Variants in GRIK2 observed in about 807,000 individuals in gnomAD.
GRIK2 encodes the protein glutamate ionotropic receptor kainate type subunit 2.
Under a neutral mutation model 100.3 loss-of-function variants are expected in GRIK2, and 32 were observed. That is an observed-to-expected ratio of 0.32 (90% confidence interval 0.24 to 0.43). The LOEUF (loss-of-function observed/expected upper bound fraction) is 0.43, where lower values mean the gene tolerates loss of function less well. Ranked by LOEUF, GRIK2 falls within the 20% of genes least tolerant of loss-of-function variation. The probability of loss-of-function intolerance (pLI) is 1.00; values close to 1 mark genes in which losing one functional copy is unlikely to be tolerated. For missense variants in GRIK2, 843 were observed against 1,114.9 expected (o/e 0.76, Z 3.47); for synonymous variants, 417 against 389.4 (o/e 1.07, Z -0.83).
intron 14 of GRIK2, among the ~76,000 whole-genome samples, chr6:101,980,891 CTT>C (rs36081447): frequency 4.8e-4 from 60 of 124,732 alleles, no homozygotes; most frequent in Non-Finnish European, 6.6e-4. Context: ...CCATTTTTTC[CTT>C]TTTTTTTTTT....
intron 2 of GRIK2, among the ~76,000 whole-genome samples, chr6:101,559,371 C>T (rs367764150): frequency 1.3e-5 from 2 of 152,072 alleles, no homozygotes; most frequent in African/African-American, 4.8e-5. Context: ...AATCTTGTAA[C>T]AACCTATGTT....
At chr6:101,948,469 ATAGT>A (rs1280195601) in intron 14 of GRIK2, among the ~76,000 whole-genome samples, 6 of 147,550 alleles carry the variant, frequency 4.1e-5, no homozygotes, top group East Asian at 1.9e-4. Flanking sequence ...ACACACATAT[ATAGT>A]TATAGTTATA....
chr6:101,831,620 T>G (rs1457517750), intron 10 of GRIK2, among the ~76,000 whole-genome samples: 2 of 152,186 alleles, frequency 1.3e-5, no homozygotes, highest in Non-Finnish European at 2.9e-5. Flanking sequence ...GTCAGTGGAA[T>G]AATATCAATC....
At chr6:101,607,437 T>C (rs543064737) in intron 2 of GRIK2, among the ~76,000 whole-genome samples, 18 of 152,148 alleles carry the variant, frequency 1.2e-4, no homozygotes, top group African/African-American at 4.3e-4. Flanking sequence ...AAAGTCACTC[T>C]TCTGATCTGT....
chr6:101,475,773 A>G (rs1306820189), intron 2 of GRIK2, among the ~76,000 whole-genome samples: 1 of 152,046 alleles, frequency 6.6e-6, no homozygotes, highest in East Asian at 1.9e-4. Flanking sequence ...CAGAATTTAA[A>G]TCTAAAAAAG....
chr6:102,023,607 G>A (rs1445831249), intron 14 of GRIK2, among the ~76,000 whole-genome samples: 1 of 151,520 alleles, frequency 6.6e-6, no homozygotes, highest in Non-Finnish European at 1.5e-5. Flanking sequence ...AAAGTTTTGA[G>A]TGTCAGGAAA....
At chr6:101,597,188 A>G (rs1722059380) in intron 2 of GRIK2, among the ~76,000 whole-genome samples, 1 of 151,854 alleles carries the variant, frequency 6.6e-6, no homozygotes, top group African/African-American at 2.4e-5. Context: ...AATATTGGGT[A>G]TACATGAACA....
chr6:101,720,170 G>T (rs1204699716), intron 7 of GRIK2, among the ~76,000 whole-genome samples: 1 of 151,584 alleles, frequency 6.6e-6, no homozygotes. Flanking sequence ...TACAAAAAAG[G>T]GTACTGCATT....
At chr6:101,799,510 G>T in intron 7 of GRIK2, 138 bp from the exon 8 acceptor site, 1 of 649,066 alleles carries the variant, frequency 1.5e-6, no homozygotes. Context: ...GCATGTTAGA[G>T]ATAACGTTTT....
intron 2 of GRIK2, among the ~76,000 whole-genome samples, chr6:101,578,759 C>G (rs1009565069): frequency 6.6e-6 from 1 of 152,080 alleles, no homozygotes; most frequent in African/African-American, 2.4e-5. Flanking sequence ...GATGAAGGCT[C>G]ATTTCTAGAT....
At chr6:101,465,196 G>A (rs1320898940) in intron 2 of GRIK2, among the ~76,000 whole-genome samples, 1 of 152,034 alleles carries the variant, frequency 6.6e-6, no homozygotes, top group Admixed American at 6.6e-5. Flanking sequence ...AGTGAAGTCT[G>A]AGCTTTTAGT....
intron 7 of GRIK2, among the ~76,000 whole-genome samples, chr6:101,740,800 C>CT (rs1191835788): frequency 1.3e-5 from 2 of 152,098 alleles, no homozygotes; most frequent in African/African-American, 2.4e-5. Flanking sequence ...GTGCCAGGTT[C>CT]TTTTTAACCT....
chr6:101,587,160 G>T (rs1453500318), intron 2 of GRIK2, among the ~76,000 whole-genome samples: 5 of 151,904 alleles, frequency 3.3e-5, no homozygotes, highest in Non-Finnish European at 5.9e-5. Context: ...AACAGGCAAA[G>T]TTGAAAAAGA....
At chr6:102,022,469 G>A (rs1769479424) in intron 14 of GRIK2, among the ~76,000 whole-genome samples, 1 of 151,710 alleles carries the variant, frequency 6.6e-6, no homozygotes, top group African/African-American at 2.4e-5. Context: ...CCAAATGTGA[G>A]TAAGCCATGA....
At chr6:101,935,994 G>C (rs1193609749) in intron 14 of GRIK2, among the ~76,000 whole-genome samples, 1 of 151,972 alleles carries the variant, frequency 6.6e-6, no homozygotes, top group Non-Finnish European at 1.5e-5. Context: ...AATAGCTATG[G>C]CTGTTTAGGA....
chr6:101,682,214 G>A (rs989626914), intron 5 of GRIK2, among the ~76,000 whole-genome samples: 3 of 152,162 alleles, frequency 2.0e-5, no homozygotes, highest in African/African-American at 7.2e-5. Context: ...CCTCATTGGA[G>A]TATTTGTAGT....
chr6:101,849,813 GTT>G (rs36010543), intron 10 of GRIK2, among the ~76,000 whole-genome samples: 552 of 53,778 alleles, frequency 0.01, 3 homozygotes, highest in Middle Eastern at 0.032. Context: ...AAAAAGGAGG[GTT>G]TTTTTTTTTT....
intron 14 of GRIK2, among the ~76,000 whole-genome samples, chr6:101,955,978 A>G (rs1239569482): frequency 1.3e-5 from 2 of 151,568 alleles, no homozygotes; most frequent in Admixed American, 1.3e-4. Context: ...CTTTATGTTG[A>G]AGGTTAGGTC....
intron 7 of GRIK2, among the ~76,000 whole-genome samples, chr6:101,741,366 A>G (rs73761403): frequency 0.063 from 9,638 of 152,252 alleles, 681 homozygotes; most frequent in African/African-American, 0.18. Flanking sequence ...TGTTAGGAAG[A>G]AACTTTTCCT....
Sources: gnomAD v4.1 joint callset for allele counts (sites outside exome capture counted in the v4.1 genomes callset) on GRCh38, gnomAD v4.1.1 for gene constraint, MANE v1.5 for transcripts, NCBI Gene and HGNC (gene_info 2026-07-23, HGNC 2026-07-21) for gene names.